Variants in ATL2 observed in about 807,000 individuals in gnomAD.
ATL2 encodes the protein atlastin GTPase 2.
A neutral mutation model predicts 73.9 loss-of-function variants in ATL2; 31 were observed. That is an observed-to-expected ratio of 0.42 (90% CI 0.32 to 0.57). The LOEUF (loss-of-function observed/expected upper bound fraction) is 0.57, where lower values mean the gene tolerates loss of function less well. Among genes scored for constraint, ATL2 ranks in the 20% least tolerant of loss-of-function variants. The pLI is 0.14. For synonymous variants in ATL2, 291 were observed against 237.5 expected (o/e 1.23, Z -2.07); for missense variants, 738 against 702.6 (o/e 1.05, Z -0.57).
chr2:38,347,968 T>C (rs184694752), intron 1 of ATL2, among the ~76,000 whole-genome samples: 4 of 151,704 alleles, frequency 2.6e-5, no homozygotes, highest in African/African-American at 9.7e-5. Flanking sequence ...GGTTTCCCCA[T>C]GTTGGCCAGG....
intron 2 of ATL2, among the ~76,000 whole-genome samples, chr2:38,322,265 G>GAGA (rs1668369233): frequency 6.6e-6 from 1 of 151,656 alleles, no homozygotes; most frequent in Non-Finnish European, 1.5e-5. Context: ...ATTCCTCTAA[G>GAGA]AGAACTCTGG....
intron 1 of ATL2, among the ~76,000 whole-genome samples, chr2:38,374,881 T>C (rs966636438): frequency 6.6e-6 from 1 of 152,348 alleles, no homozygotes; most frequent in African/African-American, 2.4e-5. Flanking sequence ...AAACGAATCC[T>C]GAAATACACC....
chr2:38,327,803 G>A (rs1302681277), intron 2 of ATL2, among the ~76,000 whole-genome samples: 2 of 152,160 alleles, frequency 1.3e-5, no homozygotes, highest in Admixed American at 1.3e-4. Context: ...GGGCGTGGTG[G>A]CGGGTGCCTG....
intron 1 of ATL2, chr2:38,358,572 G>A: frequency 3.0e-6 from 1 of 328,192 alleles, no homozygotes; most frequent in South Asian, 2.1e-5. Context: ...GGCGCCTGTA[G>A]TCCCAGATAC....
At chr2:38,345,677 T>C (rs1196738521) in intron 1 of ATL2, among the ~76,000 whole-genome samples, 1 of 152,220 alleles carries the variant, frequency 6.6e-6, no homozygotes, top group African/African-American at 2.4e-5. Flanking sequence ...CCAGGAAAAG[T>C]TGCAATACAG....
intron 1 of ATL2, among the ~76,000 whole-genome samples, chr2:38,371,509 T>C (rs1035553552): frequency 3.3e-5 from 5 of 151,176 alleles, no homozygotes; most frequent in East Asian, 1.9e-4. Flanking sequence ...TCAAAAAACA[T>C]AGAAACAAAA....
Position 38,294,387 on chromosome 2 carries a change from A to T in ATL2, c.*1607T>A, listed in dbSNP as rs187247475. On this transcript the variant is annotated 3_prime_UTR_variant, in exon 13 of 13. Coordinates refer to ENST00000378954, the MANE Select transcript of ATL2 (RefSeq NM_001135673.4). ...AACGGTGAAACCCCATCTCTACTTAAAATAGAAAACATTAGCCGGGAATGG... is the reference window on the plus strand; with the variant it reads ...AACGGTGAAACCCCATCTCTACTTATAATAGAAAACATTAGCCGGGAATGG... Among the ~76,000 whole-genome samples, 14 of 152,286 alleles carry T rather than the reference A, an allele frequency of 9.2e-5. No homozygotes were observed. Among genetic ancestry groups the T allele is most frequent in the Admixed American group, 9.2e-4 (14 of 15,290 alleles).
chr2:38,374,426 C>T (rs1217308336), intron 1 of ATL2, among the ~76,000 whole-genome samples: 1 of 152,134 alleles, frequency 6.6e-6, no homozygotes, highest in Non-Finnish European at 1.5e-5. Flanking sequence ...AATCAGAATA[C>T]CATTACACGT....
chr2:38,342,567 G>T (rs756183539), intron 2 of ATL2, among the ~76,000 whole-genome samples: 1 of 152,172 alleles, frequency 6.6e-6, no homozygotes, highest in Non-Finnish European at 1.5e-5. Context: ...GCCACTCTAA[G>T]GAACTGGACT....
chr2:38,352,886 AG>A (rs1670439124), intron 1 of ATL2, among the ~76,000 whole-genome samples: 1 of 152,236 alleles, frequency 6.6e-6, no homozygotes, highest in Non-Finnish European at 1.5e-5. Flanking sequence ...CCACTAAGTT[AG>A]GGAGATTTCC....
In ATL2 at chr2:38,296,010, C is replaced by G; in HGVS notation, c.1736G>C (p.Arg579Thr). The G allele has an allele frequency of 6.5e-7, 1 of 1,550,164 alleles. No individual in the cohort carries two copies. The highest frequency in any genetic ancestry group is 1.2e-5 in the South Asian group (1 of 83,972). ...GATGAACTGTCAGTCTGTCTTTAATCTGGCATGATGAGACACCTGGTCAGT... is the reference window on the plus strand; with the variant it reads ...GATGAACTGTCAGTCTGTCTTTAATGTGGCATGATGAGACACCTGGTCAGT... ...GLTDQVSHHARLKTD is the reference protein window; with the variant it reads ...GLTDQVSHHATLKTD Residue 579 changes from arginine to threonine, a missense_variant, in exon 13 of 13, where the codon AGA (arginine) becomes ACA (threonine). Coordinates refer to ENST00000378954, the MANE Select transcript of ATL2 (RefSeq NM_001135673.4).
intron 1 of ATL2, among the ~76,000 whole-genome samples, chr2:38,362,033 C>A (rs1671044468): frequency 6.6e-6 from 1 of 151,976 alleles, no homozygotes; most frequent in African/African-American, 2.4e-5. Context: ...GTGATACAGC[C>A]ATAGAAAGGA....
intron 9 of ATL2, among the ~76,000 whole-genome samples, chr2:38,305,541 T>C (rs990299961): frequency 2.0e-5 from 3 of 151,912 alleles, no homozygotes; most frequent in Non-Finnish European, 4.4e-5. Context: ...ACAGCGACAC[T>C]TGGTCTCAAA....
intron 6 of ATL2, among the ~76,000 whole-genome samples, 194 bp downstream of exon 6, chr2:38,314,414 C>A (rs1489102755): frequency 6.7e-6 from 1 of 148,712 alleles, no homozygotes; most frequent in Non-Finnish European, 1.5e-5. Flanking sequence ...AGCCTAGATT[C>A]ATTTATTCTA....
chr2:38,314,532 C>G (rs1023830755), intron 6 of ATL2, 76 bp downstream of exon 6: 2 of 1,038,866 alleles, frequency 1.9e-6, no homozygotes, highest in African/African-American at 1.6e-5. Flanking sequence ...ATCCTGGTGT[C>G]TCCAAAATTA....
intron 2 of ATL2, among the ~76,000 whole-genome samples, chr2:38,326,830 A>C (rs969218177): frequency 1.1e-4 from 17 of 152,062 alleles, no homozygotes; most frequent in African/African-American, 4.1e-4. Context: ...TATACTAAAA[A>C]TACAAAAATT....
rs192724354 is a variant in ATL2, at chr2:38,375,049, A to T, written c.118+2094T>A. Among the ~76,000 whole-genome samples the T allele has an allele frequency of 7.2e-5, 11 of 152,370 alleles. No homozygotes were observed. In the East Asian group the frequency reaches 2.1e-3, roughly 29 times the overall value. ...TTAATCATATCTACAGAATCCTATC[A>T]ACTTAAAAAGCCAATAAAATGAGTA... On this transcript the variant is annotated intron_variant, in intron 1 of 12. Coordinates refer to ENST00000378954, the MANE Select transcript of ATL2 (RefSeq NM_001135673.4).
intron 9 of ATL2, among the ~76,000 whole-genome samples, chr2:38,301,490 AAC>A (rs1184402063): frequency 6.6e-6 from 1 of 152,224 alleles, no homozygotes; most frequent in Non-Finnish European, 1.5e-5. Flanking sequence ...GGATGTGAAA[AAC>A]AGTCTTGAAT....
At chr2:38,303,220 T>C (rs552404820) in intron 9 of ATL2, among the ~76,000 whole-genome samples, 1 of 152,276 alleles carries the variant, frequency 6.6e-6, no homozygotes, top group East Asian at 1.9e-4. Context: ...TATTTTATTT[T>C]TTTGAGACAG....
Sources: allele counts gnomAD v4.1 joint callset (sites outside exome capture counted in the v4.1 genomes callset), GRCh38; gene constraint gnomAD v4.1.1; transcripts MANE v1.5; gene names NCBI Gene and HGNC (gene_info 2026-07-23, HGNC 2026-07-21).